Variants in ENTPD6 observed in about 807,000 individuals in gnomAD.
ENTPD6 encodes the protein CD39 antigen-like 2.
A neutral mutation model predicts 61.5 loss-of-function variants in ENTPD6; 46 were observed. That is an observed-to-expected ratio of 0.75 (90% CI 0.59 to 0.96). ENTPD6 has a LOEUF of 0.96. Among genes scored for constraint, ENTPD6 ranks in the 40% least tolerant of loss-of-function variants. The pLI, the probability that ENTPD6 is intolerant of heterozygous loss-of-function variation, is 0.00. For synonymous variants in ENTPD6, 252 were observed against 255.5 expected (o/e 0.99, Z 0.13); for missense variants, 612 against 629.0 (o/e 0.97, Z 0.29).
In ENTPD6 at chr20:25,222,519, G is replaced by A. The variant is rs114547838; in HGVS notation, c.1046-319G>A. On this transcript the variant is annotated intron_variant, in intron 11 of 14. Transcript: ENST00000376652. ...TCCGGGCTGGCGGAGGGGGAATGTA[G>A]GGCAGATGGTCCCAACAGGCCAGAG... 1,032 of 274,144 alleles carry A rather than the reference G, an allele frequency of 3.8e-3. 11 individuals are homozygous for A. Among genetic ancestry groups the A allele is most frequent in the African/African-American group, 0.021 (963 of 45,838 alleles). 17.0% of individuals were successfully genotyped at this position (274,144 alleles called of 1,614,324 possible).
chr20:25,197,193 A>C (rs1019982275), intron 1 of ENTPD6: 1 of 985,310 alleles, frequency 1.0e-6, no homozygotes. Flanking sequence ...GGCAGCCATC[A>C]ATCCACATCA....
At chr20:25,199,598 C>A (rs1253271471) in intron 1 of ENTPD6, among the ~76,000 whole-genome samples, 1 of 152,206 alleles carries the variant, frequency 6.6e-6, no homozygotes, top group African/African-American at 2.4e-5. Context: ...GTCTCCAGAA[C>A]TTTTTCATGT....
chr20:25,216,014 G>A (rs1432082506), intron 7 of ENTPD6, among the ~76,000 whole-genome samples: 1 of 152,210 alleles, frequency 6.6e-6, no homozygotes. Flanking sequence ...TCTAAGAGAA[G>A]TAACGAATCA....
rs753081442 is a variant in ENTPD6 at position 25,222,993 on chromosome 20, A to G, written c.1186+15A>G. ...GGGCCTCATAGGTAAGGGGGCCCGG[A>G]TGGGCTGAGCAGGAAGGTCGGGGCG... On this transcript the variant is annotated intron_variant, in intron 12 of 14. Transcript: ENST00000376652. 5 of 1,091,290 alleles carry G rather than the reference A, an allele frequency of 4.6e-6. No homozygotes were observed. Among genetic ancestry groups the G allele is most frequent in the Non-Finnish European group, 6.6e-6 (5 of 762,178 alleles). 67.6% of individuals were successfully genotyped at this position (1,091,290 alleles called of 1,614,324 possible).
At chr20:25,224,929 T>C (rs1263793489) in intron 13 of ENTPD6, 3 of 518,076 alleles carry the variant, frequency 5.8e-6, no homozygotes, top group Non-Finnish European at 1.0e-5. Context: ...GTCCAGGGTC[T>C]TAGATGTAGA....
Position 25,227,244 on chromosome 20 carries a change from A to C in ENTPD6, c.*1647A>C, listed in dbSNP as rs753920775. ...AGGCCTGCACAGAGCAGGAAAGGACAAAAGACAAAAAGAGGAACAGTTTCC... is the reference window on the plus strand; with the variant it reads ...AGGCCTGCACAGAGCAGGAAAGGACCAAAGACAAAAAGAGGAACAGTTTCC... On this transcript the variant is annotated 3_prime_UTR_variant, in exon 15 of 15. Transcript: ENST00000376652. Among the ~76,000 whole-genome samples, 10 of 152,232 alleles carry C rather than the reference A, an allele frequency of 6.6e-5. No individual in the cohort carries two copies. Among genetic ancestry groups the C allele is most frequent in the Non-Finnish European group, 1.5e-4 (10 of 68,046 alleles).
chr20:25,208,532 A>G (rs2091695368), intron 3 of ENTPD6, among the ~76,000 whole-genome samples: 1 of 152,224 alleles, frequency 6.6e-6, no homozygotes, highest in Non-Finnish European at 1.5e-5. Flanking sequence ...AACAGACATC[A>G]GCCTGCGATG....
Position 25,226,467 on chromosome 20 carries a change from G to C in ENTPD6, c.*870G>C, listed in dbSNP as rs1406830160. 2.0e-5 allele frequency: 3 copies of C among 152,642 alleles called. No homozygotes were observed. The highest frequency in any genetic ancestry group is 7.2e-5 in the African/African-American group (3 of 41,438). The allele number at this position is 152,642 out of a possible 1,614,324, so 9.5% of individuals were successfully genotyped here. A position where few individuals can be genotyped will look rare whatever the true frequency, so the allele number is the denominator to read the frequency against. The stretch of plus-strand genomic sequence containing the variant: ...CCCGCCTAGCCAGGGCCATGTCTTA[G>C]GTGCAGCTGTGCCACGGGTCAGCTG... On this transcript the variant is annotated 3_prime_UTR_variant, in exon 15 of 15. Transcript: ENST00000376652.
Position 25,224,094 on chromosome 20 carries a change from C to T in ENTPD6, c.1187-7C>T, listed in dbSNP as rs1397852783. ...CTCCTGCAGACTGGGTGTTGTGTCT[C>T]CCACAGATGCGGAGAAGGGAGGCAG... On this transcript the variant is annotated splice_polypyrimidine_tract_variant and splice_region_variant and intron_variant, in intron 12 of 14. Coordinates refer to ENST00000376652, the MANE Select transcript of ENTPD6 (RefSeq NM_001247.5). The T allele has an allele frequency of 3.1e-6, 5 of 1,611,280 alleles. No individual in the cohort carries two copies. In the African/African-American group the frequency reaches 5.3e-5, roughly 17 times the overall value.
intron 7 of ENTPD6, 81 bp from the exon 8 acceptor site, chr20:25,216,567 G>C: frequency 1.0e-6 from 1 of 979,240 alleles, no homozygotes; most frequent in Non-Finnish European, 1.6e-6. Context: ...TCCCCTGAGG[G>C]CCTGGCTTTC....
chr20:25,195,879 G>A lies in ENTPD6; in HGVS notation c.-16+12G>A. On this transcript the variant is annotated intron_variant, in intron 1 of 14. Coordinates refer to ENST00000376652, the MANE Select transcript of ENTPD6 (RefSeq NM_001247.5). Reference sequence around the variant, plus strand: ...GCGCGCGGTGCATGGTAAGCGGCGGGCCGGGGCGCTGGCGGGGGCGGCCGG... The same window carrying A: ...GCGCGCGGTGCATGGTAAGCGGCGGACCGGGGCGCTGGCGGGGGCGGCCGG... 1 of 1,234,876 alleles carries A rather than the reference G, an allele frequency of 8.1e-7. No homozygotes were observed. 76.5% of individuals were successfully genotyped at this position (1,234,876 alleles called of 1,614,324 possible). A position where few individuals can be genotyped will look rare whatever the true frequency, so the allele number is the denominator to read the frequency against.
intron 4 of ENTPD6, among the ~76,000 whole-genome samples, chr20:25,210,256 T>G (rs748056808): frequency 6.6e-6 from 1 of 152,242 alleles, no homozygotes; most frequent in African/African-American, 2.4e-5. Flanking sequence ...TTATTCAAAT[T>G]TTTACGCTAA....
At chr20:25,224,697 C>G (rs1334005766) in intron 13 of ENTPD6, 1 of 158,748 alleles carries the variant, frequency 6.3e-6, no homozygotes, top group South Asian at 2.0e-4. Flanking sequence ...TCCCCTCCCC[C>G]AAAAGTGGCT....
In ENTPD6 at chr20:25,214,858, T is replaced by C. The variant is rs188678934; in HGVS notation, c.598-9T>C. On this transcript the variant is annotated splice_polypyrimidine_tract_variant and intron_variant, in intron 5 of 14. Coordinates refer to ENST00000376652, the MANE Select transcript of ENTPD6 (RefSeq NM_001247.5). ...TAAAGGATGAAGTAACATCTCTCTTTACATTTAGGTGAAAAAAGTATTTAA... is the reference window on the plus strand; with the variant it reads ...TAAAGGATGAAGTAACATCTCTCTTCACATTTAGGTGAAAAAAGTATTTAA... The C allele has an allele frequency of 9.2e-6, 13 of 1,419,198 alleles. No individual in the cohort carries two copies. In the Admixed American group the frequency reaches 2.2e-4, roughly 24 times the overall value. 87.9% of individuals were successfully genotyped at this position (1,419,198 alleles called of 1,614,324 possible). A position where few individuals can be genotyped will look rare whatever the true frequency, so the allele number is the denominator to read the frequency against.
At chr20:25,218,937 A>C (rs1317656777) in intron 10 of ENTPD6, among the ~76,000 whole-genome samples, 2 of 152,236 alleles carry the variant, frequency 1.3e-5, no homozygotes, top group Non-Finnish European at 2.9e-5. Context: ...GCTGGAGTGC[A>C]CTAGCATGAT....
chr20:25,214,759 G>A (rs1015752077), intron 5 of ENTPD6, 108 bp from the exon 6 acceptor site: 5 of 701,100 alleles, frequency 7.1e-6, no homozygotes, highest in South Asian at 1.7e-5. Flanking sequence ...AGATTTTTTC[G>A]TTCTTCTCCA....
chr20:25,195,980 C>A, intron 1 of ENTPD6, 113 bp downstream of exon 1: 1 of 945,824 alleles, frequency 1.1e-6, no homozygotes, highest in Non-Finnish European at 1.4e-6. Context: ...GTCACTCGCA[C>A]CCCGGGTCCC....
chr20:25,212,216 T>C (rs187091574), intron 4 of ENTPD6, among the ~76,000 whole-genome samples: 129 of 152,308 alleles, frequency 8.5e-4, no homozygotes, highest in African/African-American at 2.6e-3. Flanking sequence ...CACACTGACA[T>C]AGGACCTTAT....
intron 3 of ENTPD6, among the ~76,000 whole-genome samples, chr20:25,208,624 A>T (rs900345205): frequency 6.6e-6 from 1 of 152,208 alleles, no homozygotes; most frequent in Non-Finnish European, 1.5e-5. Flanking sequence ...TTTCTGGTCC[A>T]GTCTTCGCGT....
Sources: gnomAD v4.1 joint callset for allele counts (sites outside exome capture counted in the v4.1 genomes callset) on GRCh38, gnomAD v4.1.1 for gene constraint, MANE v1.5 for transcripts, NCBI Gene and HGNC (gene_info 2026-07-23, HGNC 2026-07-21) for gene names.